ZNF573: variants seen among roughly 807,000 people sequenced by gnomAD.
ZNF573 encodes the protein zinc finger protein 573.
Under a neutral mutation model 57.4 loss-of-function variants are expected in ZNF573, and 41 were observed. That is an observed-to-expected ratio of 0.71 (90% CI 0.56 to 0.93). The LOEUF is 0.93. Ranked by LOEUF, ZNF573 falls within the 40% of genes least tolerant of loss-of-function variation. The pLI is 0.00. For synonymous variants in ZNF573, 249 were observed against 261.0 expected (o/e 0.95, Z 0.44); for missense variants, 730 against 794.8 (o/e 0.92, Z 0.98).
chr19:37,743,319 C>CAAAAA (rs74174484), intron 4 of ZNF573, among the ~76,000 whole-genome samples: 7 of 99,876 alleles, frequency 7.0e-5, no homozygotes, highest in Non-Finnish European at 9.3e-5. Context: ...GAATCCATCT[C>CAAAAA]AAAAAAAAAA....
rs765702431 is a variant in ZNF573, at chr19:37,739,951, T to C, written c.539A>G (p.His180Arg). The change falls in exon 5 of 5, where the codon CAT (histidine) becomes CGT (arginine). Residue 180 changes from histidine (H) to arginine (R), a missense_variant. Physicochemically the swap from His to Arg is conservative, Grantham distance 29. Transcript: ENST00000536220. ...TTTCTCACCAGTATGAAATCTTTGA[T>C]GTAGAGTAAGTTGATAGCCACTACG... ...NFRSGYQLTL[H>R]QRFHTGEKPY... 3 of 1,614,106 alleles carry C rather than the reference T, an allele frequency of 1.9e-6. No homozygotes were observed. The highest frequency in any genetic ancestry group is 2.5e-6 in the Non-Finnish European group (3 of 1,180,028).
intron 3 of ZNF573, among the ~76,000 whole-genome samples, chr19:37,771,016 G>A (rs1568424316): frequency 6.6e-6 from 1 of 150,696 alleles, no homozygotes; most frequent in African/African-American, 2.4e-5. Context: ...CAAAGCTCAT[G>A]AATTATAACT....
intron 4 of ZNF573, among the ~76,000 whole-genome samples, chr19:37,759,801 C>T (rs1052124045): frequency 6.6e-6 from 1 of 151,750 alleles, no homozygotes; most frequent in African/African-American, 2.4e-5. Flanking sequence ...GTAGAACTTA[C>T]GTTGTTGGTT....
chr19:37,770,073 A>T lies in ZNF573; in HGVS notation c.227T>A (p.Val76Asp), dbSNP rs1418929522. Residue 76 changes from valine (V) to aspartate (D), a missense_variant, in exon 4 of 5, where the codon GTT becomes GAT. Transcript: ENST00000536220. ...SLGGHSISKP[V>D]VVDLLERGKE... The stretch of plus-strand genomic sequence containing the variant: ...TCCTCGCTCCAGTAAATCAACCACA[A>T]CTGGTTTAGAAATGGAATGTCCTCC... 1.9e-6 allele frequency: 3 copies of T among 1,551,440 alleles called. No individual in the cohort carries two copies. The highest frequency in any genetic ancestry group is 2.6e-6 in the Non-Finnish European group (3 of 1,147,008).
At chr19:37,754,250 G>A (rs910151747) in intron 4 of ZNF573, among the ~76,000 whole-genome samples, 1 of 152,088 alleles carries the variant, frequency 6.6e-6, no homozygotes, top group Non-Finnish European at 1.5e-5. Context: ...GGCCGGGCAC[G>A]GTGGCTCACG....
At position 37,739,375 on chromosome 19, in the gene ZNF573, T is replaced by C. The variant is rs953966356; in HGVS notation, c.1115A>G (p.Asn372Ser). 2.5e-6 allele frequency: 4 copies of C among 1,613,928 alleles called. No individual in the cohort carries two copies. Among genetic ancestry groups the C allele is most frequent in the African/African-American group, 2.7e-5 (2 of 74,908 alleles). The change falls in exon 5 of 5, where the codon AAT becomes AGT. Residue 372 changes from asparagine to serine, a missense_variant. Coordinates refer to ENST00000536220, the MANE Select transcript of ZNF573 (RefSeq NM_001172690.2). ...ATGAATATTCTGATGCCGAGTAAGA[T>C]TTCTATACAAAGTAAAGGTTTTCTT... ...ECKKTFTLYR[N>S]LTRHQNIHTG...
chr19:37,744,312 G>A (rs1222078462), intron 4 of ZNF573, among the ~76,000 whole-genome samples: 1 of 152,042 alleles, frequency 6.6e-6, no homozygotes, highest in Non-Finnish European at 1.5e-5. Flanking sequence ...GCTGGGCTGA[G>A]TGTTCCTGCT....
rs1205975085 is a variant in ZNF573 at position 37,739,738 on chromosome 19, C to T, written c.752G>A (p.Cys251Tyr). The change falls in exon 5 of 5, where the codon TGT (cysteine) becomes TAT (tyrosine). Residue 251 changes from cysteine (C) to tyrosine (Y), a missense_variant. Transcript: ENST00000536220. ...TGGKPYECQE[C>Y]GRAFSQGGHL... ...TCCACCTTGACTAAAGGCCCTCCCA[C>T]ACTCCTGACATTCATACGGCTTCCC... The T allele has an allele frequency of 1.9e-6, 3 of 1,613,886 alleles. No homozygotes were observed. Among genetic ancestry groups the T allele is most frequent in the Admixed American group, 1.7e-5 (1 of 60,008 alleles).
intron 2 of ZNF573, among the ~76,000 whole-genome samples, 187 bp downstream of exon 2, chr19:37,773,474 T>A (rs559609057): frequency 6.6e-6 from 1 of 152,272 alleles, no homozygotes; most frequent in South Asian, 2.1e-4. Flanking sequence ...ACAATAAATA[T>A]AAAAGTGGAC....
In ZNF573 at chr19:37,739,724, TAA is replaced by T; in HGVS notation, c.764_765del (p.Phe255Ter). ...TGAATTCTAAGATGTCCACCTTGAC[TAA>T]AGGCCCTCCCACACTCCTGACATTC... ...PYECQECGRA[F>X]SQGGHLRIHQ... is the part of the protein sequence containing the mutation. On this transcript the variant is annotated frameshift_variant, in exon 5 of 5. Transcript: ENST00000536220. LOFTEE classifies it high-confidence loss of function. 1 of 1,613,812 alleles carries T rather than the reference TAA, an allele frequency of 6.2e-7. No individual in the cohort carries two copies.
At chr19:37,770,193 C>T (rs927015881) in intron 3 of ZNF573, 96 bp from the exon 4 acceptor site, 31 of 930,328 alleles carry the variant, frequency 3.3e-5, no homozygotes, top group Admixed American at 8.9e-5. Flanking sequence ...CTAAGGACTT[C>T]AAATAAAAGA....
intron 4 of ZNF573, among the ~76,000 whole-genome samples, chr19:37,744,995 G>A (rs1311096730): frequency 6.6e-6 from 1 of 151,826 alleles, no homozygotes; most frequent in Non-Finnish European, 1.5e-5. Flanking sequence ...TGTTAGCCAG[G>A]ATGGTCTTGA....
intron 4 of ZNF573, among the ~76,000 whole-genome samples, chr19:37,743,584 T>A (rs2045349066): frequency 6.6e-6 from 1 of 152,218 alleles, no homozygotes; most frequent in African/African-American, 2.4e-5. Context: ...AGTATGGCAA[T>A]TCCTCAAGGA....
At chr19:37,763,187 T>C (rs1352025384) in intron 4 of ZNF573, among the ~76,000 whole-genome samples, 1 of 152,144 alleles carries the variant, frequency 6.6e-6, no homozygotes, top group Non-Finnish European at 1.5e-5. Flanking sequence ...CTGTCTCATA[T>C]GCATGAATCA....
At chr19:37,777,729 C>G (rs562840947) in intron 1 of ZNF573, among the ~76,000 whole-genome samples, 5 of 139,798 alleles carry the variant, frequency 3.6e-5, no homozygotes, top group Non-Finnish European at 3.1e-5. Context: ...ATAGAGCAAG[C>G]CTTTGTCATA....
intron 4 of ZNF573, among the ~76,000 whole-genome samples, chr19:37,768,882 G>A (rs193285245): frequency 8.8e-6 from 1 of 113,434 alleles, no homozygotes; most frequent in Non-Finnish European, 2.1e-5. Context: ...TAGCCAGGAT[G>A]GTCTCGATCT....
Position 37,739,755 on chromosome 19 carries a change from C to A in ZNF573, c.735G>T (p.Pro245=). The change falls in exon 5 of 5, where the codon CCG becomes CCT. Residue 245 remains proline (P), a synonymous_variant. Coordinates refer to ENST00000536220, the MANE Select transcript of ZNF573 (RefSeq NM_001172690.2). ...QHERIHTGGK[P]YECQECGRAF... is the part of the protein sequence containing the mutation. ...CCCTCCCACACTCCTGACATTCATA[C>A]GGCTTCCCACCAGTGTGAATTCTCT... 1.2e-6 allele frequency: 2 copies of A among 1,613,842 alleles called. No homozygotes were observed. The highest frequency in any genetic ancestry group is 1.7e-6 in the Non-Finnish European group (2 of 1,179,902).
Position 37,758,205 on chromosome 19 carries a change from ATATAT to A in ZNF573, c.295+11795_295+11799del, listed in dbSNP as rs2045511846. On this transcript the variant is annotated intron_variant, in intron 4 of 4. Transcript: ENST00000536220. Reference sequence around the variant, plus strand: ...CCTAGAACTTAAAGTATAATAAAATATATATATATATATATATATATATATATATA... The same window carrying A: ...CCTAGAACTTAAAGTATAATAAAATAATATATATATATATATATATATATA... 3.3e-4 allele frequency among the ~76,000 whole-genome samples: 12 copies of A among 36,078 alleles called. 1 individual carries two copies. The highest frequency in any genetic ancestry group is 2.0e-3 in the South Asian group (2 of 1,020). 23.7% of individuals were successfully genotyped at this position (36,078 alleles called of 152,430 possible). A position where few individuals can be genotyped will look rare whatever the true frequency, so the allele number is the denominator to read the frequency against.
At position 37,771,639 on chromosome 19, in the gene ZNF573, C is replaced by A; in HGVS notation, c.127G>T (p.Glu43Ter). ...TCCCTCTGATTAGGGTCCAGGTATTCCCACTCCTGCCGAGAGAAGTCTATG... is the reference window on the plus strand; with the variant it reads ...TCCCTCTGATTAGGGTCCAGGTATTACCACTCCTGCCGAGAGAAGTCTATG... ...VAIDFSRQEW[E>*]YLDPNQRDLY... Residue 43 changes from glutamate to a stop codon, truncating the protein, a stop_gained, in exon 3 of 5, where the codon GAA (glutamate) becomes TAA (stop). Coordinates refer to ENST00000536220, the MANE Select transcript of ZNF573 (RefSeq NM_001172690.2). LOFTEE classifies it high-confidence loss of function. The A allele has an allele frequency of 6.2e-7, 1 of 1,603,262 alleles. No homozygotes were observed. The highest frequency in any genetic ancestry group is 8.5e-7 in the Non-Finnish European group (1 of 1,176,552).
Sources: gnomAD v4.1 joint callset for allele counts (sites outside exome capture counted in the v4.1 genomes callset) on GRCh38, gnomAD v4.1.1 for gene constraint, MANE v1.5 for transcripts, NCBI Gene and HGNC (gene_info 2026-07-23, HGNC 2026-07-21) for gene names.